Variants in KSR2 observed in about 807,000 individuals in gnomAD.
The protein encoded by KSR2 is kinase suppressor of ras 2.
Under a neutral mutation model 107.8 loss-of-function variants are expected in KSR2, and 25 were observed. The ratio of observed to expected loss-of-function variants is 0.23; its 90% confidence interval spans 0.17 to 0.32. The LOEUF (loss-of-function observed/expected upper bound fraction) is 0.32. Ranked by LOEUF, KSR2 falls within the 10% of genes least tolerant of loss-of-function variation. The pLI is 1.00. For missense variants in KSR2, 887 were observed against 1,268.9 expected, an observed-to-expected ratio of 0.70 and a Z score of 4.57; for synonymous variants, 480 against 507.0, an observed-to-expected ratio of 0.95 and a Z score of 0.71.
intron 4 of KSR2, among the ~76,000 whole-genome samples, chr12:117,723,783 T>A (rs1348923458): frequency 6.6e-6 from 1 of 152,118 alleles, no homozygotes; most frequent in African/African-American, 2.4e-5. Context: ...TTCTTGTGAG[T>A]CTTCAACCAT....
At chr12:117,682,237 G>A (rs939880456) in intron 4 of KSR2, among the ~76,000 whole-genome samples, 4 of 152,066 alleles carry the variant, frequency 2.6e-5, no homozygotes, top group East Asian at 1.9e-4. Flanking sequence ...GTAGACACAG[G>A]GAAGGGAACA....
chr12:117,580,547 A>T (rs1308173078), intron 6 of KSR2, among the ~76,000 whole-genome samples: 1 of 152,130 alleles, frequency 6.6e-6, no homozygotes, highest in Non-Finnish European at 1.5e-5. Flanking sequence ...AGTGACTCTG[A>T]TGGCAGCAGA....
chr12:117,867,064 C>T (rs1893496866), intron 1 of KSR2, among the ~76,000 whole-genome samples: 1 of 152,098 alleles, frequency 6.6e-6, no homozygotes, highest in Non-Finnish European at 1.5e-5. Flanking sequence ...ACCTGCAATC[C>T]CAGCACCTTA....
At chr12:117,914,846 T>C (rs913096683) in intron 1 of KSR2, among the ~76,000 whole-genome samples, 1 of 152,208 alleles carries the variant, frequency 6.6e-6, no homozygotes, top group African/African-American at 2.4e-5. Context: ...AATCAATTTT[T>C]GTATGCATAA....
chr12:117,739,716 G>A (rs1888099178), intron 4 of KSR2, among the ~76,000 whole-genome samples: 1 of 152,242 alleles, frequency 6.6e-6, no homozygotes, highest in East Asian at 1.9e-4. Context: ...AGACAGTCTA[G>A]GGAAGAAGAA....
intron 4 of KSR2, among the ~76,000 whole-genome samples, chr12:117,753,767 T>C (rs1387873991): frequency 1.3e-5 from 2 of 151,652 alleles, no homozygotes; most frequent in Non-Finnish European, 1.5e-5. Context: ...TGACACAAGT[T>C]TACCTATGTA....
chr12:117,943,858 T>C (rs1331772358), intron 1 of KSR2, among the ~76,000 whole-genome samples: 1 of 152,196 alleles, frequency 6.6e-6, no homozygotes, highest in Non-Finnish European at 1.5e-5. Flanking sequence ...CTTGTGGTAG[T>C]GAATAAGTCT....
chr12:117,907,177 T>C lies in KSR2; in HGVS notation c.181-46746A>G, dbSNP rs146244563. Reference sequence around the variant, plus strand: ...TGAAGCTCACGGAGATTAAATTACTTGCTTACATGAGCACCGTAAGTAAGT... The same window carrying C: ...TGAAGCTCACGGAGATTAAATTACTCGCTTACATGAGCACCGTAAGTAAGT... On this transcript the variant is annotated intron_variant, in intron 1 of 19. Transcript: ENST00000339824. The surrounding 1 kb of genome is among the most constrained non-coding windows in gnomAD (Gnocchi z 4.3). 2.3e-3 allele frequency among the ~76,000 whole-genome samples: 347 copies of C among 152,252 alleles called. 4 individuals are homozygous for C. Among genetic ancestry groups the C allele is most frequent in the African/African-American group, 7.8e-3 (325 of 41,544 alleles).
At chr12:117,684,373 G>A (rs1885485426) in intron 4 of KSR2, among the ~76,000 whole-genome samples, 1 of 152,192 alleles carries the variant, frequency 6.6e-6, no homozygotes, top group African/African-American at 2.4e-5. Context: ...TATAGTAACA[G>A]CTCCATAAAA....
At position 117,518,426 on chromosome 12, in the gene KSR2, C is replaced by T. The variant is rs528869569; in HGVS notation, c.2219+6426G>A. On this transcript the variant is annotated intron_variant, in intron 14 of 19. Transcript: ENST00000339824. ...AATTCACTGGTATCGTTCCTAAGAG[C>T]CCCACATAGGTGGAAATGGCAAACT... Among the ~76,000 whole-genome samples the T allele has an allele frequency of 1.2e-4, 19 of 152,310 alleles. No individual in the cohort carries two copies. In the South Asian group the frequency reaches 3.7e-3, roughly 30 times the overall value.
chr12:117,510,956 A>G (rs1219742750), intron 14 of KSR2, among the ~76,000 whole-genome samples: 1 of 151,872 alleles, frequency 6.6e-6, no homozygotes, highest in Non-Finnish European at 1.5e-5. Context: ...TGTACCAGGC[A>G]CTATTTTCAG....
chr12:117,727,716 C>T (rs779369701), intron 4 of KSR2, among the ~76,000 whole-genome samples: 1 of 152,102 alleles, frequency 6.6e-6, no homozygotes, highest in East Asian at 1.9e-4. Flanking sequence ...CACCTTGACT[C>T]GGGACTTCTG....
At chr12:117,860,195 G>A in intron 2 of KSR2, 96 bp downstream of exon 2, 2 of 1,331,818 alleles carry the variant, frequency 1.5e-6, no homozygotes, top group Non-Finnish European at 2.1e-6. Context: ...GCCAGGGACT[G>A]TGCTGGGCAC....
At chr12:117,958,783 T>C (rs1896584616) in intron 1 of KSR2, among the ~76,000 whole-genome samples, 1 of 152,220 alleles carries the variant, frequency 6.6e-6, no homozygotes, top group South Asian at 2.1e-4. Context: ...ATCACGCCAC[T>C]GCGCTCCAGC....
intron 1 of KSR2, among the ~76,000 whole-genome samples, chr12:117,963,352 G>A (rs927388277): frequency 3.9e-5 from 6 of 152,184 alleles, no homozygotes; most frequent in Admixed American, 1.3e-4. Flanking sequence ...AGCCCCTGCC[G>A]TAGGCTGCCA....
chr12:117,513,647 G>A (rs2137204760), intron 14 of KSR2, among the ~76,000 whole-genome samples: 1 of 152,320 alleles, frequency 6.6e-6, no homozygotes, highest in South Asian at 2.1e-4. Flanking sequence ...GTCCTTCCCA[G>A]GGAATGGGAC....
intron 3 of KSR2, among the ~76,000 whole-genome samples, chr12:117,844,396 A>G (rs1892619167): frequency 6.6e-6 from 1 of 152,120 alleles, no homozygotes; most frequent in African/African-American, 2.4e-5. Context: ...AATGAAACCA[A>G]TGACAGAAAT....
At chr12:117,905,324 AAAT>A (rs1338002223) in intron 1 of KSR2, among the ~76,000 whole-genome samples, 1 of 152,216 alleles carries the variant, frequency 6.6e-6, no homozygotes, top group Admixed American at 6.5e-5. Context: ...GCTTTGTCCT[AAAT>A]AATAATATCT....
chr12:117,652,507 C>A (rs79035721), intron 5 of KSR2, among the ~76,000 whole-genome samples: 5,828 of 152,166 alleles, frequency 0.038, 253 homozygotes, highest in East Asian at 0.23. Context: ...AGAATCACAG[C>A]CCCTCAGTCA....
Sources: gnomAD v4.1 joint callset for allele counts (sites outside exome capture counted in the v4.1 genomes callset) on GRCh38, gnomAD v4.1.1 for gene constraint, Gnocchi (gnomAD v3.1) non-coding constraint, MANE v1.5 for transcripts, NCBI Gene and HGNC (gene_info 2026-07-23, HGNC 2026-07-21) for gene names.